The following PAN3 variants were observed in gnomAD, a reference collection of about 807,000 sequenced individuals.
The protein encoded by PAN3 is PAN2-PAN3 deadenylation complex subunit PAN3.
In PAN3, 19 loss-of-function variants were observed where a neutral mutation model predicts 96.2. That is an observed-to-expected ratio of 0.20 (90% CI 0.14 to 0.29). The LOEUF (loss-of-function observed/expected upper bound fraction) is 0.29, where lower values mean the gene tolerates loss of function less well. Among genes scored for constraint, PAN3 ranks in the 10% least tolerant of loss-of-function variants. The probability of loss-of-function intolerance (pLI) is 1.00; values close to 1 mark genes in which losing one functional copy is unlikely to be tolerated. For synonymous variants in PAN3, 433 were observed against 406.6 expected, an observed-to-expected ratio of 1.06 and a Z score of -0.78; for missense variants, 882 against 1,108.1, an observed-to-expected ratio of 0.80 and a Z score of 2.90.
In PAN3 at chr13:28,270,256, A is replaced by G. The variant is rs984186256; in HGVS notation, c.1793-445A>G. Among the ~76,000 whole-genome samples the G allele has an allele frequency of 3.3e-5, 5 of 152,302 alleles. No homozygotes were observed. The East Asian group carries it at 5.8e-4, about 18-fold the overall frequency. ...GTGATATAAGGAAAACAAACATTCA[A>G]CATAAGTGATGGTAGAGACTTTTAT... On this transcript the variant is annotated intron_variant, in intron 12 of 18. Transcript: ENST00000380958.
At position 28,277,298 on chromosome 13, in the gene PAN3, G is replaced by A; in HGVS notation, c.2111G>A (p.Gly704Glu). The change falls in exon 15 of 19, where the codon GGA (glycine) becomes GAA (glutamate). Residue 704 changes from glycine (G) to glutamate (E), a missense_variant. Around this residue, in one of 3 missense-constraint regions of PAN3, gnomAD observed 364 missense variants for 513.6 expected, o/e 0.71. Coordinates refer to ENST00000380958, the MANE Select transcript of PAN3 (RefSeq NM_175854.8). ...VLALACNSLA[G>E]IQRENLQKAM... The stretch of plus-strand genomic sequence containing the variant: ...GCTTTGGCTTGCAACTCTTTGGCAG[G>A]AATTCAGCGAGAGAATTTACAGAAA... 6.2e-7 allele frequency: 1 copy of A among 1,613,548 alleles called. No individual in the cohort carries two copies. The highest frequency in any genetic ancestry group is 8.5e-7 in the Non-Finnish European group (1 of 1,179,580).
In PAN3 at chr13:28,231,558, T is replaced by C. The variant is rs148821331; in HGVS notation, c.1000+11180T>C. On this transcript the variant is annotated intron_variant, in intron 6 of 18. Coordinates refer to ENST00000380958, the MANE Select transcript of PAN3 (RefSeq NM_175854.8). ...CTTAAGTATCTATCATAGATAGATATTCAGCCAAAATGAAGTAGGATTATA... is the reference window on the plus strand; with the variant it reads ...CTTAAGTATCTATCATAGATAGATACTCAGCCAAAATGAAGTAGGATTATA... 6.8e-3 allele frequency among the ~76,000 whole-genome samples: 1,042 copies of C among 152,326 alleles called. 11 individuals are homozygous for C. Among genetic ancestry groups the C allele is most frequent in the African/African-American group, 0.024 (1,007 of 41,574 alleles).
At chr13:28,286,546 C>A (rs538815946) in intron 17 of PAN3, among the ~76,000 whole-genome samples, 13 of 152,246 alleles carry the variant, frequency 8.5e-5, no homozygotes, top group Admixed American at 8.5e-4. Context: ...TTGCTTGATT[C>A]CTGTGGGCAC....
chr13:28,283,253 T>C (rs1395927630), intron 17 of PAN3, among the ~76,000 whole-genome samples: 1 of 152,208 alleles, frequency 6.6e-6, no homozygotes, highest in Non-Finnish European at 1.5e-5. Flanking sequence ...TTCACCATGT[T>C]GTCCAAGCTG....
At position 28,279,994 on chromosome 13, in the gene PAN3, T is replaced by C. The variant is rs185535031; in HGVS notation, c.2190-418T>C. Among the ~76,000 whole-genome samples, 52 of 151,984 alleles carry C rather than the reference T, an allele frequency of 3.4e-4. 1 individual carries two copies. The highest frequency in any genetic ancestry group is 3.0e-3 in the East Asian group (15 of 5,048). On this transcript the variant is annotated intron_variant, in intron 15 of 18. Coordinates refer to ENST00000380958, the MANE Select transcript of PAN3 (RefSeq NM_175854.8). ...TTGTATTTTTAGTAGAGACGGGGTT[T>C]CACCGTGTTGGCCAGGCTGGTCTTA... is the stretch of plus-strand genomic sequence containing the variant.
At chr13:28,188,250 A>ATT (rs11405901) in intron 4 of PAN3, among the ~76,000 whole-genome samples, 2 of 151,622 alleles carry the variant, frequency 1.3e-5, no homozygotes, top group African/African-American at 2.4e-5. Context: ...ATAAGCCTGC[A>ATT]TTTTTTTTGC....
chr13:28,246,496 C>T (rs1195969468), intron 6 of PAN3, among the ~76,000 whole-genome samples: 2 of 152,022 alleles, frequency 1.3e-5, no homozygotes, highest in Non-Finnish European at 2.9e-5. Context: ...TAACTGTAGT[C>T]ACCTCCTATA....
intron 6 of PAN3, among the ~76,000 whole-genome samples, chr13:28,243,904 T>A (rs1883922199): frequency 6.6e-6 from 1 of 152,172 alleles, no homozygotes; most frequent in Admixed American, 6.5e-5. Context: ...GTCAGGCTGG[T>A]CTCGAACTCC....
chr13:28,178,070 G>T, intron 4 of PAN3, 135 bp downstream of exon 4: 1 of 702,548 alleles, frequency 1.4e-6, no homozygotes, highest in Non-Finnish European at 2.3e-6. Context: ...CCTGCCTTTT[G>T]TTTATCCTTT....
intron 1 of PAN3, among the ~76,000 whole-genome samples, chr13:28,144,326 T>C (rs1870298207): frequency 6.7e-6 from 1 of 148,728 alleles, no homozygotes; most frequent in Admixed American, 6.8e-5. Context: ...ACGCCATTCC[T>C]GCCTCAGCCT....
intron 1 of PAN3, among the ~76,000 whole-genome samples, chr13:28,144,206 TTTTTG>T: frequency 1.4e-5 from 2 of 140,828 alleles, no homozygotes; most frequent in African/African-American, 6.1e-5. Context: ...TCGATAAGTT[TTTTTG>T]TTTTTTTTTT....
chr13:28,225,385 T>G (rs771252325), intron 6 of PAN3, among the ~76,000 whole-genome samples: 7 of 152,208 alleles, frequency 4.6e-5, no homozygotes, highest in African/African-American at 1.2e-4. Flanking sequence ...AAAAACAAAA[T>G]TCCGTGATTG....
At chr13:28,153,492 C>T (rs745709963) in intron 1 of PAN3, among the ~76,000 whole-genome samples, 2 of 151,988 alleles carry the variant, frequency 1.3e-5, no homozygotes, top group African/African-American at 2.4e-5. Context: ...CTGCCTTGGC[C>T]TCCAGAAGTG....
intron 6 of PAN3, among the ~76,000 whole-genome samples, chr13:28,221,069 C>T (rs1881353557): frequency 6.6e-6 from 1 of 152,102 alleles, no homozygotes; most frequent in Non-Finnish European, 1.5e-5. Context: ...TGATTCTTTG[C>T]AGTCTTCATT....
At chr13:28,279,678 T>A (rs1189050119) in intron 15 of PAN3, among the ~76,000 whole-genome samples, 1 of 151,408 alleles carries the variant, frequency 6.6e-6, no homozygotes, top group East Asian at 2.0e-4. Flanking sequence ...GAGAATTGCT[T>A]GAACCCAGGA....
In PAN3 at chr13:28,294,089, C is replaced by T. The variant is rs890958708; in HGVS notation, c.*1567C>T. On this transcript the variant is annotated 3_prime_UTR_variant, in exon 19 of 19. Transcript: ENST00000380958. ...CCTTGAGATTTGCATCAAGAAAAAG[C>T]ACCTCTCTTCACCTGAAAGCTTTGA... is the stretch of plus-strand genomic sequence containing the variant. The T allele has an allele frequency of 3.3e-5, 5 of 152,608 alleles. No individual in the cohort carries two copies. The highest frequency in any genetic ancestry group is 5.9e-5 in the Non-Finnish European group (4 of 68,032). 9.5% of individuals were successfully genotyped at this position (152,608 alleles called of 1,614,324 possible).
chr13:28,278,817 C>T (rs1002412981), intron 15 of PAN3, among the ~76,000 whole-genome samples: 2 of 151,796 alleles, frequency 1.3e-5, no homozygotes, highest in African/African-American at 2.4e-5. Context: ...ATATGATTAG[C>T]AGGGTACACA....
intron 6 of PAN3, among the ~76,000 whole-genome samples, chr13:28,246,961 G>C (rs1884253408): frequency 6.6e-6 from 1 of 152,062 alleles, no homozygotes; most frequent in African/African-American, 2.4e-5. Flanking sequence ...GGATCATATG[G>C]CAGTTCTGTT....
In PAN3 at chr13:28,176,484, G is replaced by A. The variant is rs1566160357; in HGVS notation, c.553-9G>A. On this transcript the variant is annotated splice_polypyrimidine_tract_variant and intron_variant, in intron 2 of 18. Coordinates refer to ENST00000380958, the MANE Select transcript of PAN3 (RefSeq NM_175854.8). ...CAGTGATGTTATAAATAAATATTTT[G>A]TTTTTCAGAGAATGACTAATAGTAG... 8 of 1,610,478 alleles carry A rather than the reference G, an allele frequency of 5.0e-6. No individual in the cohort carries two copies. Among genetic ancestry groups the A allele is most frequent in the Non-Finnish European group, 5.9e-6 (7 of 1,176,902 alleles).
Sources: allele counts gnomAD v4.1 joint callset (sites outside exome capture counted in the v4.1 genomes callset), GRCh38; gene constraint gnomAD v4.1.1; regional missense constraint gnomAD v4.1.1; transcripts MANE v1.5; gene names NCBI Gene and HGNC (gene_info 2026-07-23, HGNC 2026-07-21).